The following TPTE2 variants were observed in gnomAD, a reference collection of about 807,000 sequenced individuals.
TPTE2 encodes the protein transmembrane phosphoinositide 3-phosphatase and tensin homolog 2, also known as phosphatidylinositol 3,4,5-trisphosphate 3-phosphatase TPTE2.
Under a neutral mutation model 78.6 loss-of-function variants are expected in TPTE2, and 53 were observed. That is an observed-to-expected ratio of 0.67 (90% CI 0.54 to 0.85). The LOEUF is 0.85. TPTE2 is among the 40% of genes least tolerant of loss of function. TPTE2 has a pLI of 0.00. For missense variants in TPTE2, 461 were observed against 623.0 expected (o/e 0.74, Z 2.77); for synonymous variants, 175 against 206.2 (o/e 0.85, Z 1.30).
intron 10 of TPTE2, among the ~76,000 whole-genome samples, chr13:19,461,583 T>G (rs1311101404): frequency 6.6e-6 from 1 of 152,198 alleles, no homozygotes; most frequent in Non-Finnish European, 1.5e-5. Flanking sequence ...ATCTGTCCGG[T>G]GGTAAGAGTG....
chr13:19,455,726 T>G (rs2063359978), intron 10 of TPTE2, among the ~76,000 whole-genome samples: 1 of 152,172 alleles, frequency 6.6e-6, no homozygotes, highest in African/African-American at 2.4e-5. Context: ...AAAAGGAGTT[T>G]ATTCCAAAAA....
chr13:19,491,861 C>T (rs774787132), intron 3 of TPTE2, among the ~76,000 whole-genome samples: 1 of 152,032 alleles, frequency 6.6e-6, no homozygotes, highest in Admixed American at 6.6e-5. Context: ...TTTTAATTTG[C>T]CCATGCGTCC....
At chr13:19,552,234 C>A in the TPTE2 span, among the ~76,000 whole-genome samples, 1 of 152,156 alleles carries the variant, frequency 6.6e-6, no homozygotes. Flanking sequence ...TAATCTCATA[C>A]CCCTTATTCA....
At chr13:19,529,356 A>T (rs924539424) in intron 1 of TPTE2, among the ~76,000 whole-genome samples, 6 of 151,824 alleles carry the variant, frequency 4.0e-5, no homozygotes, top group African/African-American at 1.5e-4. Flanking sequence ...CCAACTCCTG[A>T]CCTCAGGTGA....
intron 11 of TPTE2, 104 bp downstream of exon 14, chr13:19,451,061 C>T: frequency 5.0e-6 from 7 of 1,397,956 alleles, no homozygotes; most frequent in Non-Finnish European, 6.9e-6. Flanking sequence ...CTTGCCACTA[C>T]CAAATACTTA....
chr13:19,478,983 G>A (rs909374070), intron 4 of TPTE2, among the ~76,000 whole-genome samples: 1 of 152,058 alleles, frequency 6.6e-6, no homozygotes, highest in Non-Finnish European at 1.5e-5. Flanking sequence ...CAAAGGAAGG[G>A]GAACATCACA....
At chr13:19,546,487 T>TC in the TPTE2 span, among the ~76,000 whole-genome samples, 1 of 127,802 alleles carries the variant, frequency 7.8e-6, no homozygotes, top group African/African-American at 3.1e-5. Context: ...CTTTTTCTTT[T>TC]TTTTTTTTTT....
intron 6 of TPTE2, among the ~76,000 whole-genome samples, chr13:19,473,293 G>A (rs552815103): frequency 6.6e-6 from 1 of 152,326 alleles, no homozygotes; most frequent in Non-Finnish European, 1.5e-5. Flanking sequence ...TTCCCTTCAG[G>A]ATGGCAAGTT....
intron 7 of TPTE2, among the ~76,000 whole-genome samples, chr13:19,466,779 C>T (rs1013222994): frequency 6.6e-6 from 1 of 152,134 alleles, no homozygotes; most frequent in Non-Finnish European, 1.5e-5. Context: ...CCAGACAGAA[C>T]ATTATGTGTA....
Position 19,486,314 on chromosome 13 carries a change from C to A in TPTE2, c.120-3767G>T, listed in dbSNP as rs2451076. 0.98 allele frequency among the ~76,000 whole-genome samples: 149,727 copies of A among 152,276 alleles called. 73,661 individuals are homozygous for A. Among genetic ancestry groups the A allele is most frequent in the Middle Eastern group, 1 (294 of 294 alleles). On this transcript the variant is annotated intron_variant, in intron 3 of 19. Coordinates refer to ENST00000400230, the Ensembl canonical transcript of TPTE2. The surrounding 1 kb of genome is among the most constrained non-coding windows in gnomAD (Gnocchi z 4.3). ...ACATTTGCAAGTTACTCAGTGGCCT[C>A]GGCTAAGGAAGTTTGTGGTGATGGT...
the TPTE2 span, among the ~76,000 whole-genome samples, chr13:19,556,911 A>G: frequency 1.2e-5 from 1 of 85,088 alleles, no homozygotes; most frequent in African/African-American, 2.7e-5. Flanking sequence ...CTAGTAAACC[A>G]AATTTAATGT....
the TPTE2 span, chr13:19,559,906 G>T: frequency 3.6e-6 from 1 of 278,762 alleles, no homozygotes; most frequent in Non-Finnish European, 6.3e-6. Context: ...CCCTGGCCCT[G>T]CCAGCAGGCT....
At chr13:19,518,568 A>G (rs575107336) in intron 1 of TPTE2, among the ~76,000 whole-genome samples, 1 of 152,366 alleles carries the variant, frequency 6.6e-6, no homozygotes, top group Admixed American at 6.5e-5. Context: ...ACCATTAGAT[A>G]CCTATTAGAA....
At chr13:19,478,321 A>G (rs922412671) in intron 4 of TPTE2, among the ~76,000 whole-genome samples, 2 of 152,090 alleles carry the variant, frequency 1.3e-5, no homozygotes, top group Non-Finnish European at 2.9e-5. Context: ...CAAGAAAAAA[A>G]CAAACAACCC....
chr13:19,451,808 A>AGTGTGTGT (rs201672341), intron 10 of TPTE2, among the ~76,000 whole-genome samples: 2 of 134,940 alleles, frequency 1.5e-5, no homozygotes, highest in Admixed American at 8.2e-5. Flanking sequence ...TGTACCTATA[A>AGTGTGTGT]GTGTGTGTGT....
intron 1 of TPTE2, among the ~76,000 whole-genome samples, chr13:19,494,409 C>CT (rs556169967): frequency 2.0e-5 from 3 of 151,776 alleles, no homozygotes; most frequent in Non-Finnish European, 2.9e-5. Context: ...TTTGTTTTTT[C>CT]TTTTTTTTCT....
chr13:19,557,972 A>G, the TPTE2 span, among the ~76,000 whole-genome samples: 42 of 152,360 alleles, frequency 2.8e-4, 1 homozygote, highest in Non-Finnish European at 3.8e-4. Flanking sequence ...TTATAAAAAC[A>G]GTATGTCTAA....
chr13:19,546,209 GA>G, the TPTE2 span, among the ~76,000 whole-genome samples: 3 of 150,476 alleles, frequency 2.0e-5, no homozygotes, highest in Admixed American at 1.3e-4. Flanking sequence ...TAAAAGAAAA[GA>G]AAAAAAAACC....
chr13:19,477,425 A>G (rs924253503), intron 4 of TPTE2, among the ~76,000 whole-genome samples: 1 of 152,176 alleles, frequency 6.6e-6, no homozygotes, highest in Non-Finnish European at 1.5e-5. Flanking sequence ...AACCTGAGAT[A>G]AAGGAAATCC....
Sources: allele counts gnomAD v4.1 joint callset (sites outside exome capture counted in the v4.1 genomes callset), GRCh38; gene constraint gnomAD v4.1.1; non-coding constraint Gnocchi (gnomAD v3.1); transcripts MANE v1.5; gene names NCBI Gene and HGNC (gene_info 2026-07-23, HGNC 2026-07-21).